ATF7IP: variants seen among roughly 807,000 people sequenced by gnomAD.
The protein encoded by ATF7IP is activating transcription factor 7 interacting protein, also known as activating transcription factor 7-interacting protein 1.
Under a neutral mutation model 106.4 loss-of-function variants are expected in ATF7IP, and 23 were observed. The ratio of observed to expected loss-of-function variants is 0.22; its 90% CI spans 0.16 to 0.31. The LOEUF is 0.31. Among genes scored for constraint, ATF7IP ranks in the 10% least tolerant of loss-of-function variants. The pLI is 1.00. For synonymous variants in ATF7IP, 542 were observed against 539.0 expected (o/e 1.01, Z -0.08); for missense variants, 1,334 against 1,524.3 (o/e 0.88, Z 2.08).
chr12:14,381,004 TG>T (rs1438189421), intron 1 of ATF7IP, among the ~76,000 whole-genome samples: 1 of 152,228 alleles, frequency 6.6e-6, no homozygotes, highest in Non-Finnish European at 1.5e-5. Flanking sequence ...TAAATGTGTT[TG>T]GTAAAGGCTT....
At chr12:14,395,731 A>G (rs1410024282) in intron 1 of ATF7IP, among the ~76,000 whole-genome samples, 1 of 152,158 alleles carries the variant, frequency 6.6e-6, no homozygotes, top group Non-Finnish European at 1.5e-5. Context: ...TGGCTCATTG[A>G]CATACATTAG....
Position 14,481,092 on chromosome 12 carries a change from G to T in ATF7IP, c.3187G>T (p.Val1063Phe). 6.2e-7 allele frequency: 1 copy of T among 1,614,006 alleles called. No homozygotes were observed. The highest frequency in any genetic ancestry group is 8.5e-7 in the Non-Finnish European group (1 of 1,179,972). ...AAGAGCTCCTGCAAACCACCAGGTG[G>T]TTTATACAACTCTTCCTGCACCACC... is the stretch of plus-strand genomic sequence containing the variant. ...VPRAPANHQV[V>F]YTTLPAPPAQ... Residue 1063 changes from valine (V) to phenylalanine (F), a missense_variant, in exon 13 of 15, where the codon GTT becomes TTT. This residue lies in a region of ATF7IP where 370 missense variants were observed against 401.2 expected (regional missense o/e 0.92). Coordinates refer to ENST00000261168, the MANE Select transcript of ATF7IP (RefSeq NM_018179.5).
chr12:14,408,962 C>T lies in ATF7IP; in HGVS notation c.-7-14947C>T, dbSNP rs557645939. On this transcript the variant is annotated intron_variant, in intron 1 of 14. Coordinates refer to ENST00000261168, the MANE Select transcript of ATF7IP (RefSeq NM_018179.5). ...CACTACGTAGTTCACTAATATTATA[C>T]TAGAATACTTCATATTCTTCTTCTT... Among the ~76,000 whole-genome samples, 12 of 152,182 alleles carry T rather than the reference C, an allele frequency of 7.9e-5. No individual in the cohort carries two copies. The South Asian group carries it at 2.3e-3, about 29-fold the overall frequency.
chr12:14,470,744 A>G (rs1161706844), intron 10 of ATF7IP, among the ~76,000 whole-genome samples: 1 of 152,238 alleles, frequency 6.6e-6, no homozygotes, highest in Non-Finnish European at 1.5e-5. Flanking sequence ...GCTAGCTATC[A>G]TGACTATCTT....
At chr12:14,401,080 C>T (rs1355366928) in intron 1 of ATF7IP, among the ~76,000 whole-genome samples, 1 of 151,790 alleles carries the variant, frequency 6.6e-6, no homozygotes, top group Non-Finnish European at 1.5e-5. Flanking sequence ...ACTTTCTGTG[C>T]CTTTGAATAT....
At chr12:14,398,002 CATACTTTAAT>C (rs1939948316) in intron 1 of ATF7IP, among the ~76,000 whole-genome samples, 1 of 152,100 alleles carries the variant, frequency 6.6e-6, no homozygotes, top group Admixed American at 6.6e-5. Context: ...TAAACTTTAA[CATACTTTAAT>C]ATTTGAAACA....
chr12:14,370,796 A>C (rs542974237), intron 1 of ATF7IP, among the ~76,000 whole-genome samples: 1 of 152,272 alleles, frequency 6.6e-6, no homozygotes, highest in African/African-American at 2.4e-5. Context: ...GGACATGATG[A>C]CATAAAAGTA....
chr12:14,372,082 T>C (rs552435358), intron 1 of ATF7IP, among the ~76,000 whole-genome samples: 1 of 152,150 alleles, frequency 6.6e-6, no homozygotes, highest in Non-Finnish European at 1.5e-5. Context: ...GCCTATCCTT[T>C]AGTGGAACTC....
chr12:14,489,211 G>A (rs1031269342), intron 13 of ATF7IP, among the ~76,000 whole-genome samples: 1 of 152,116 alleles, frequency 6.6e-6, no homozygotes, highest in Non-Finnish European at 1.5e-5. Context: ...CGCCTTAATG[G>A]ATCTCCTGTA....
intron 1 of ATF7IP, among the ~76,000 whole-genome samples, chr12:14,370,054 C>T (rs1042560582): frequency 1.3e-4 from 20 of 152,056 alleles, no homozygotes; most frequent in Admixed American, 3.9e-4. Flanking sequence ...TCTCCTGCCT[C>T]AGCCTCCTGA....
intron 8 of ATF7IP, among the ~76,000 whole-genome samples, chr12:14,459,483 A>G (rs1161244500): frequency 6.6e-6 from 1 of 152,244 alleles, no homozygotes; most frequent in Non-Finnish European, 1.5e-5. Context: ...TGAAGAATGC[A>G]GCGATGTTTG....
intron 2 of ATF7IP, among the ~76,000 whole-genome samples, chr12:14,426,696 C>T (rs762314357): frequency 8.6e-5 from 13 of 150,992 alleles, no homozygotes; most frequent in Non-Finnish European, 1.6e-4. Flanking sequence ...CGTGGTGGCA[C>T]TTGTCTGTAG....
In ATF7IP at chr12:14,499,474, CTCCT is replaced by C. The variant is rs1945105801; in HGVS notation, c.*1403_*1406del. ...ACCCAAAGCTATCACCCAACACTAA[CTCCT>C]TAGTATTCTTTCAAAGGAAGCAAAT... On this transcript the variant is annotated 3_prime_UTR_variant, in exon 15 of 15. Coordinates refer to ENST00000261168, the MANE Select transcript of ATF7IP (RefSeq NM_018179.5). The C allele has an allele frequency of 1.3e-5, 2 of 152,310 alleles. No individual in the cohort carries two copies. Among genetic ancestry groups the C allele is most frequent in the African/African-American group, 4.8e-5 (2 of 41,566 alleles). 9.4% of individuals were successfully genotyped at this position (152,310 alleles called of 1,614,324 possible).
intron 7 of ATF7IP, among the ~76,000 whole-genome samples, chr12:14,456,856 T>G (rs1014122186): frequency 6.6e-6 from 1 of 152,240 alleles, no homozygotes; most frequent in African/African-American, 2.4e-5. Flanking sequence ...ATATATTTCT[T>G]TAACCACTTG....
intron 1 of ATF7IP, among the ~76,000 whole-genome samples, chr12:14,377,811 A>G (rs540309981): frequency 1.1e-3 from 173 of 151,520 alleles, no homozygotes; most frequent in African/African-American, 4.1e-3. Context: ...ACAGGGTTTC[A>G]CCATGTTGGT....
chr12:14,397,401 C>T (rs1201805526), intron 1 of ATF7IP, among the ~76,000 whole-genome samples: 1 of 152,154 alleles, frequency 6.6e-6, no homozygotes, highest in Admixed American at 6.5e-5. Flanking sequence ...CAGGTAGTTT[C>T]TAATATTGCA....
rs1458186997 is a variant in ATF7IP at position 14,501,746 on chromosome 12, C to T, written c.*3673C>T. The T allele has an allele frequency of 6.6e-6, 1 of 152,204 alleles. No individual in the cohort carries two copies. The highest frequency in any genetic ancestry group is 1.5e-5 in the Non-Finnish European group (1 of 68,036). The allele number at this position is 152,204 out of a possible 1,614,324, so 9.4% of individuals were successfully genotyped here. ...TTTTGAGAAAAGTGACCTAAAACAG[C>T]TGAAATCTTAGGTGCATCTGTCTGC... On this transcript the variant is annotated 3_prime_UTR_variant, in exon 15 of 15. Transcript: ENST00000261168.
At chr12:14,461,215 G>GCTA in intron 9 of ATF7IP, 82 bp downstream of exon 9, 1 of 1,293,378 alleles carries the variant, frequency 7.7e-7, no homozygotes, top group Non-Finnish European at 1.1e-6. Context: ...TTTCTAAGTG[G>GCTA]CTAGCGTTAT....
At chr12:14,446,378 C>T (rs975909800) in intron 5 of ATF7IP, among the ~76,000 whole-genome samples, 3 of 152,072 alleles carry the variant, frequency 2.0e-5, no homozygotes, top group African/African-American at 4.8e-5. Context: ...GAACTCTTGG[C>T]CTTAGGTGAT....
Sources: gnomAD v4.1 joint callset for allele counts (sites outside exome capture counted in the v4.1 genomes callset) on GRCh38, gnomAD v4.1.1 for gene constraint, gnomAD v4.1.1 regional missense constraint, MANE v1.5 for transcripts, NCBI Gene and HGNC (gene_info 2026-07-23, HGNC 2026-07-21) for gene names.